Variants in PHLDB2 observed in about 807,000 individuals in gnomAD.
PHLDB2 encodes the protein pleckstrin homology-like domain family B member 2.
In PHLDB2, 71 loss-of-function variants were observed where a neutral mutation model predicts 123.6. The ratio of observed to expected loss-of-function variants is 0.57; its 90% confidence interval spans 0.47 to 0.70. The LOEUF (loss-of-function observed/expected upper bound fraction) is 0.70, where lower values mean the gene tolerates loss of function less well. PHLDB2 is among the 30% of genes least tolerant of loss of function. PHLDB2 has a pLI of 0.00. For synonymous variants in PHLDB2, 547 were observed against 541.6 expected (o/e 1.01, Z -0.14); for missense variants, 1,446 against 1,519.5 (o/e 0.95, Z 0.80).
intron 1 of PHLDB2, among the ~76,000 whole-genome samples, chr3:111,780,271 A>AG (rs34178824): frequency 0.02 from 158 of 7,768 alleles, 50 homozygotes; most frequent in African/African-American, 0.062. Context: ...AAGAAGAAGA[A>AG]AAGAAGAAGA....
chr3:111,800,082 G>A (rs1424544229), intron 1 of PHLDB2, among the ~76,000 whole-genome samples: 1 of 152,070 alleles, frequency 6.6e-6, no homozygotes, highest in East Asian at 1.9e-4. Context: ...ACGGCTCACT[G>A]CAGACTCAAC....
rs71131982 is a variant in PHLDB2, at chr3:111,834,218, TTATA to T, written c.-48-11595_-48-11592del. Among the ~76,000 whole-genome samples, 5 of 22,508 alleles carry T rather than the reference TTATA, an allele frequency of 2.2e-4. 1 individual carries two copies. Among genetic ancestry groups the T allele is most frequent in the Admixed American group, 1.6e-3 (3 of 1,884 alleles). The allele number at this position is 22,508 out of a possible 152,430, so 14.8% of individuals were successfully genotyped here. A position where few individuals can be genotyped will look rare whatever the true frequency, so the allele number is the denominator to read the frequency against. ...TAATAGAATTATATATGTAATAGAA[TTATA>T]TATATATTATGTATATAATAGAATT... On this transcript the variant is annotated intron_variant, in intron 1 of 17. Transcript: ENST00000393923.
At chr3:111,881,285 G>C (rs541813468) in intron 1 of PHLDB2, among the ~76,000 whole-genome samples, 1 of 152,088 alleles carries the variant, frequency 6.6e-6, no homozygotes, top group Non-Finnish European at 1.5e-5. Context: ...ATTTTTTCTT[G>C]CAATGTTGTG....
In PHLDB2 at chr3:111,910,659, T is replaced by C. The variant is rs538194650; in HGVS notation, c.1336-2660T>C. On this transcript the variant is annotated intron_variant, in intron 2 of 17. Transcript: ENST00000431670. ...TCATTCTGGATTTGGGTCATGCAGG[T>C]TGCAGGCTATTGGCATGATGAATGG... is the stretch of plus-strand genomic sequence containing the variant. Among the ~76,000 whole-genome samples, 7 of 152,324 alleles carry C rather than the reference T, an allele frequency of 4.6e-5. No individual in the cohort carries two copies. In the East Asian group the frequency reaches 1.2e-3, roughly 25 times the overall value.
intron 6 of PHLDB2, among the ~76,000 whole-genome samples, chr3:111,938,996 CG>C (rs2069689767): frequency 6.6e-6 from 1 of 151,874 alleles, no homozygotes; most frequent in African/African-American, 2.4e-5. Context: ...TTAGTAGAGA[CG>C]GGGTTTCACC....
chr3:111,886,394 A>G (rs1317453670), intron 2 of PHLDB2, among the ~76,000 whole-genome samples: 1 of 152,066 alleles, frequency 6.6e-6, no homozygotes, highest in African/African-American at 2.4e-5. Flanking sequence ...ATGGCTTTGA[A>G]TGCCACCCAA....
Position 111,925,842 on chromosome 3 carries a change from T to C in PHLDB2, c.2001+5423T>C, listed in dbSNP as rs149179672. 6.9e-4 allele frequency among the ~76,000 whole-genome samples: 105 copies of C among 152,374 alleles called. 1 individual carries two copies. The highest frequency in any genetic ancestry group is 2.4e-3 in the African/African-American group (98 of 41,598). On this transcript the variant is annotated intron_variant, in intron 5 of 17. Coordinates refer to ENST00000431670, the MANE Select transcript of PHLDB2 (RefSeq NM_001134438.2). Reference sequence around the variant, plus strand: ...TCTCTATTTCTAGCTGTGTTAAAAATTTGAAACTAAAAATATTTTTCAATT... The same window carrying C: ...TCTCTATTTCTAGCTGTGTTAAAAACTTGAAACTAAAAATATTTTTCAATT...
chr3:111,834,277 T>G (rs2063291714), intron 1 of PHLDB2, among the ~76,000 whole-genome samples: 2 of 134,952 alleles, frequency 1.5e-5, no homozygotes, highest in South Asian at 4.4e-4. Flanking sequence ...ATACATAATA[T>G]ATATAATTCT....
intron 2 of PHLDB2, among the ~76,000 whole-genome samples, chr3:111,850,312 G>T (rs1033795194): frequency 1.3e-5 from 2 of 152,132 alleles, no homozygotes; most frequent in Non-Finnish European, 2.9e-5. Context: ...GGTGAGGGGG[G>T]CAGGGCTAGG....
chr3:111,802,127 C>T (rs941034116), intron 1 of PHLDB2, among the ~76,000 whole-genome samples: 1 of 152,200 alleles, frequency 6.6e-6, no homozygotes, highest in Non-Finnish European at 1.5e-5. Context: ...ATGCATCTAA[C>T]ATCAAAACTT....
Position 111,974,598 on chromosome 3 carries a change from G to A in PHLDB2, c.*35G>A, listed in dbSNP as rs747529574. On this transcript the variant is annotated 3_prime_UTR_variant, in exon 18 of 18. Transcript: ENST00000431670. ...GCAACAGTCCACTTCAGGGCAGACGGCAATAATCTCTTACAAGAATGAAGC... is the reference window on the plus strand; with the variant it reads ...GCAACAGTCCACTTCAGGGCAGACGACAATAATCTCTTACAAGAATGAAGC... The A allele has an allele frequency of 7.7e-6, 12 of 1,553,310 alleles. No homozygotes were observed. The highest frequency in any genetic ancestry group is 1.0e-5 in the Non-Finnish European group (12 of 1,147,766).
chr3:111,777,979 T>C (rs2060296476), intron 1 of PHLDB2, among the ~76,000 whole-genome samples: 1 of 152,002 alleles, frequency 6.6e-6, no homozygotes, highest in South Asian at 2.1e-4. Context: ...CCAGCAGATA[T>C]GTTTTATAAG....
At chr3:111,800,119 C>T (rs1024876360) in intron 1 of PHLDB2, among the ~76,000 whole-genome samples, 1 of 152,168 alleles carries the variant, frequency 6.6e-6, no homozygotes, top group Non-Finnish European at 1.5e-5. Flanking sequence ...AATCCTCCCA[C>T]TTCAACCTTC....
chr3:111,967,250 C>T (rs916803030), intron 14 of PHLDB2, among the ~76,000 whole-genome samples: 1 of 152,174 alleles, frequency 6.6e-6, no homozygotes, highest in East Asian at 1.9e-4. Flanking sequence ...GACCTTCAGC[C>T]AGGAAACTAC....
intron 1 of PHLDB2, among the ~76,000 whole-genome samples, chr3:111,839,939 G>GTTTTT (rs1559861721): frequency 5.8e-5 from 3 of 51,782 alleles, no homozygotes; most frequent in African/African-American, 2.3e-4. Flanking sequence ...CCCCACCCCC[G>GTTTTT]CTTTTTTTTT....
intron 2 of PHLDB2, among the ~76,000 whole-genome samples, chr3:111,897,908 T>A (rs1224120893): frequency 6.6e-6 from 1 of 152,198 alleles, no homozygotes; most frequent in Non-Finnish European, 1.5e-5. Context: ...GACGCAAATT[T>A]TTTGGTTTCC....
At chr3:111,896,310 A>T (rs750098713) in intron 2 of PHLDB2, among the ~76,000 whole-genome samples, 5 of 151,592 alleles carry the variant, frequency 3.3e-5, no homozygotes, top group African/African-American at 1.2e-4. Flanking sequence ...ATTTATCATC[A>T]GCTAATAGGT....
At position 111,846,025 on chromosome 3, in the gene PHLDB2, A is replaced by G. The variant is rs527590952; in HGVS notation, c.67+90A>G. 2.0e-5 allele frequency: 27 copies of G among 1,329,068 alleles called. No individual in the cohort carries two copies. The Admixed American group carries it at 2.6e-4, about 13-fold the overall frequency. 82.3% of individuals were successfully genotyped at this position (1,329,068 alleles called of 1,614,324 possible). Reference sequence around the variant, plus strand: ...TGGGAATGAGCTGGCATTTTCAAGCATATACCCAGGAGTCCAGCAATCATT... The same window carrying G: ...TGGGAATGAGCTGGCATTTTCAAGCGTATACCCAGGAGTCCAGCAATCATT... On this transcript the variant is annotated intron_variant, in intron 2 of 17. Transcript: ENST00000393923.
At chr3:111,745,097 T>C (rs1009300475) in intron 1 of PHLDB2, among the ~76,000 whole-genome samples, 1 of 152,058 alleles carries the variant, frequency 6.6e-6, no homozygotes, top group African/African-American at 2.4e-5. Flanking sequence ...AGAAAACAAA[T>C]GGGACAGAGG....
Sources: allele counts gnomAD v4.1 joint callset (sites outside exome capture counted in the v4.1 genomes callset), GRCh38; gene constraint gnomAD v4.1.1; transcripts MANE v1.5; gene names NCBI Gene and HGNC (gene_info 2026-07-23, HGNC 2026-07-21).